TAS2R3: variants seen among roughly 807,000 people sequenced by gnomAD.
The protein encoded by TAS2R3 is taste 2 receptor member 3.
TAS2R3 carries 10 observed loss-of-function variants against 15.3 expected under a neutral mutation model. That is an observed-to-expected ratio of 0.65 (90% CI 0.40 to 1.11). The LOEUF is 1.11. Ranked by LOEUF, TAS2R3 falls within the 50% of genes least tolerant of loss-of-function variation. TAS2R3 has a pLI of 0.00. For synonymous variants in TAS2R3, 162 were observed against 141.3 expected (o/e 1.15, Z -1.04); for missense variants, 383 against 370.3 (o/e 1.03, Z -0.28).
chr7:141,764,362 A>G lies in TAS2R3; in HGVS notation c.204A>G (p.Leu68=). Residue 68 remains leucine, a synonymous_variant, in exon 1 of 1, where the codon TTA becomes TTG. Transcript: ENST00000247879. ...LLCIILTDSF[L]IEFSPNTHDS... ...GTATTATCTTGACTGATAGTTTTTT[A>G]ATAGAATTCTCTCCCAACACACATG... 1 of 1,614,170 alleles carries G rather than the reference A, an allele frequency of 6.2e-7. No individual in the cohort carries two copies. The highest frequency in any genetic ancestry group is 8.5e-7 in the Non-Finnish European group (1 of 1,180,028).
At position 141,765,099 on chromosome 7, in the gene TAS2R3, T is replaced by A; in HGVS notation, c.941T>A (p.Ile314Asn). 1 of 1,610,324 alleles carries A rather than the reference T, an allele frequency of 6.2e-7. No homozygotes were observed. The highest frequency in any genetic ancestry group is 8.5e-7 in the Non-Finnish European group (1 of 1,178,100). The change falls in exon 1 of 1, where the codon ATT (isoleucine) becomes AAT (asparagine). Residue 314 changes from isoleucine to asparagine, a missense_variant. Ile to Asn is a moderately radical substitution (Grantham distance 149). Transcript: ENST00000247879. ...GHLKPGSKGP[I>N]FS The stretch of plus-strand genomic sequence containing the variant: ...CTGAAGCCTGGATCCAAGGGACCCA[T>A]TTTCTCTTAGAGTAACAGAGGGCAT...
In TAS2R3 at chr7:141,765,184, C is replaced by G; in HGVS notation, c.*75C>G. 3 of 1,434,596 alleles carry G rather than the reference C, an allele frequency of 2.1e-6. No homozygotes were observed. The highest frequency in any genetic ancestry group is 2.8e-6 in the Non-Finnish European group (3 of 1,060,972). 88.9% of individuals were successfully genotyped at this position (1,434,596 alleles called of 1,614,324 possible). On this transcript the variant is annotated 3_prime_UTR_variant, in exon 1 of 1. Transcript: ENST00000247879. ...AGACTACAGGACTCTTCCTGACCTTCCTATGTTACCAGTTCCATAACATCA... is the reference window on the plus strand; with the variant it reads ...AGACTACAGGACTCTTCCTGACCTTGCTATGTTACCAGTTCCATAACATCA...
rs1306393324 is a variant in TAS2R3 at position 141,765,084 on chromosome 7, G to T, written c.926G>T (p.Gly309Val). Reference protein sequence around the residue: ...LRCESGHLKPGSKGPIFS With the variant: ...LRCESGHLKPVSKGPIFS The stretch of plus-strand genomic sequence containing the variant: ...TGTGAGTCTGGTCATCTGAAGCCTG[G>T]ATCCAAGGGACCCATTTTCTCTTAG... The change falls in exon 1 of 1, where the codon GGA becomes GTA. Residue 309 changes from glycine (G) to valine (V), a missense_variant. By Grantham distance (109) the Gly-to-Val change is moderately radical (BLOSUM62 -3). Transcript: ENST00000247879. 6.2e-7 allele frequency: 1 copy of T among 1,612,628 alleles called. No individual in the cohort carries two copies. The highest frequency in any genetic ancestry group is 8.5e-7 in the Non-Finnish European group (1 of 1,179,192).
In TAS2R3 at chr7:141,764,674, AAAG is replaced by A; in HGVS notation, c.521_523del (p.Lys174del). 1 of 1,614,180 alleles carries A rather than the reference AAAG, an allele frequency of 6.2e-7. No individual in the cohort carries two copies. The highest frequency in any genetic ancestry group is 8.5e-7 in the Non-Finnish European group (1 of 1,180,036). On this transcript the variant is annotated inframe_deletion, in exon 1 of 1. Coordinates refer to ENST00000247879, the MANE Select transcript of TAS2R3 (RefSeq NM_016943.2). ...CCAGGAATGTGACTGAACACTTCAG[AAAG>A]AAGAGGAGTGAGTATTATCTGATCC...
rs768115368 is a variant in TAS2R3 at position 141,765,022 on chromosome 7, C to A, written c.864C>A (p.Asn288Lys). The change falls in exon 1 of 1, where the codon AAC (asparagine) becomes AAA (lysine). Residue 288 changes from asparagine (N) to lysine (K), a missense_variant. Coordinates refer to ENST00000247879, the MANE Select transcript of TAS2R3 (RefSeq NM_016943.2). ...AGHSFILILG[N>K]SKLKQTFVVM... The stretch of plus-strand genomic sequence containing the variant: ...ACTCATTTATTCTCATTCTGGGGAA[C>A]AGTAAGCTGAAGCAGACATTTGTAG... 1 of 1,614,076 alleles carries A rather than the reference C, an allele frequency of 6.2e-7. No homozygotes were observed. The highest frequency in any genetic ancestry group is 8.5e-7 in the Non-Finnish European group (1 of 1,180,038).
rs143815192 is a variant in TAS2R3, at chr7:141,764,612, T to G, written c.454T>G (p.Phe152Val). Residue 152 changes from phenylalanine (F) to valine (V), a missense_variant, in exon 1 of 1, where the codon TTT (phenylalanine) becomes GTT (valine). Phe to Val is a conservative substitution (Grantham distance 50). Coordinates refer to ENST00000247879, the MANE Select transcript of TAS2R3 (RefSeq NM_016943.2). The stretch of plus-strand genomic sequence containing the variant: ...TAGTACCGCATCTCTGATCAATGAG[T>G]TTAAGCTCTATTCTGTCTTTAGGGG... Reference protein sequence around the residue: ...CGSTASLINEFKLYSVFRGIE... With the variant: ...CGSTASLINEVKLYSVFRGIE... 1.8e-4 allele frequency: 294 copies of G among 1,613,926 alleles called. No homozygotes were observed. Among genetic ancestry groups the G allele is most frequent in the Non-Finnish European group, 2.2e-4 (265 of 1,180,014 alleles).
rs1800096760 is a variant in TAS2R3, at chr7:141,764,303, A to G, written c.145A>G (p.Thr49Ala). 1.2e-6 allele frequency: 2 copies of G among 1,613,994 alleles called. No individual in the cohort carries two copies. The highest frequency in any genetic ancestry group is 3.3e-5 in the Admixed American group (2 of 60,006). Residue 49 changes from threonine to alanine, a missense_variant, in exon 1 of 1, where the codon ACC becomes GCC. Thr to Ala is a moderately conservative substitution (Grantham distance 58). Transcript: ENST00000247879. ...KRMSLSDFII[T>A]TLALLRIILL... ...AATGTCTTTGTCTGACTTCATCATC[A>G]CCACCCTGGCACTCTTGAGGATCAT... is the stretch of plus-strand genomic sequence containing the variant.
rs752420019 is a variant in TAS2R3 at position 141,764,353 on chromosome 7, T to C, written c.195T>C (p.Asp65=). The change falls in exon 1 of 1, where the codon GAT becomes GAC. Residue 65 remains aspartate (D), a synonymous_variant. Transcript: ENST00000247879. ...RIILLCIILT[D]SFLIEFSPNT... is the part of the protein sequence containing the mutation. ...TTCTGCTGTGTATTATCTTGACTGA[T>C]AGTTTTTTAATAGAATTCTCTCCCA... 1.9e-5 allele frequency: 31 copies of C among 1,614,198 alleles called. No homozygotes were observed. Among genetic ancestry groups the C allele is most frequent in the Non-Finnish European group, 2.1e-5 (25 of 1,180,032 alleles).
Position 141,765,196 on chromosome 7 carries a change from G to A in TAS2R3, c.*87G>A. The stretch of plus-strand genomic sequence containing the variant: ...TCTTCCTGACCTTCCTATGTTACCA[G>A]TTCCATAACATCAGTAGGAGAGAAA... On this transcript the variant is annotated 3_prime_UTR_variant, in exon 1 of 1. Transcript: ENST00000247879. The A allele has an allele frequency of 7.3e-7, 1 of 1,369,170 alleles. No homozygotes were observed. The allele number at this position is 1,369,170 out of a possible 1,614,324, so 84.8% of individuals were successfully genotyped here. A position where few individuals can be genotyped will look rare whatever the true frequency, so the allele number is the denominator to read the frequency against.
chr7:141,765,192 A>G lies in TAS2R3; in HGVS notation c.*83A>G. On this transcript the variant is annotated 3_prime_UTR_variant, in exon 1 of 1. Transcript: ENST00000247879. Reference sequence around the variant, plus strand: ...GGACTCTTCCTGACCTTCCTATGTTACCAGTTCCATAACATCAGTAGGAGA... The same window carrying G: ...GGACTCTTCCTGACCTTCCTATGTTGCCAGTTCCATAACATCAGTAGGAGA... 1 of 1,401,264 alleles carries G rather than the reference A, an allele frequency of 7.1e-7. No individual in the cohort carries two copies. The highest frequency in any genetic ancestry group is 9.7e-7 in the Non-Finnish European group (1 of 1,032,238). 86.8% of individuals were successfully genotyped at this position (1,401,264 alleles called of 1,614,324 possible).
chr7:141,764,384 CAT>C, the TAS2R3 span: 61 of 1,614,072 alleles, frequency 3.8e-5, no homozygotes, highest in Admixed American at 5.0e-5. Context: ...TCCCAACACA[CAT>C]GATTCAGGGA....
Position 141,765,012 on chromosome 7 carries a change from T to C in TAS2R3, c.854T>C (p.Ile285Thr). Residue 285 changes from isoleucine (I) to threonine (T), a missense_variant, in exon 1 of 1, where the codon ATT (isoleucine) becomes ACT (threonine). Physicochemically the swap from Ile to Thr is moderately conservative, Grantham distance 89. Transcript: ENST00000247879. ...FYPAGHSFILILGNSKLKQTF... is the reference protein window; with the variant it reads ...FYPAGHSFILTLGNSKLKQTF... ...CCTGCTGGCCACTCATTTATTCTCA[T>C]TCTGGGGAACAGTAAGCTGAAGCAG... is the stretch of plus-strand genomic sequence containing the variant. The C allele has an allele frequency of 6.2e-7, 1 of 1,614,240 alleles. No individual in the cohort carries two copies. The highest frequency in any genetic ancestry group is 8.5e-7 in the Non-Finnish European group (1 of 1,180,036).
chr7:141,764,370 T>TC, the TAS2R3 span: 3 of 1,614,160 alleles, frequency 1.9e-6, no homozygotes, highest in Non-Finnish European at 2.5e-6. Context: ...TTAATAGAAT[T>TC]CTCTCCCAAC....
rs138586643 is a variant in TAS2R3, at chr7:141,765,159, A to G, written c.*50A>G. On this transcript the variant is annotated 3_prime_UTR_variant, in exon 1 of 1. Coordinates refer to ENST00000247879, the MANE Select transcript of TAS2R3 (RefSeq NM_016943.2). ...CCCTTGAGCCTTTTGGCCTGGCTCA[A>G]GACTACAGGACTCTTCCTGACCTTC... 911 of 1,540,598 alleles carry G rather than the reference A, an allele frequency of 5.9e-4. 4 individuals carry two copies. In the Middle Eastern group the frequency reaches 0.014, roughly 23 times the overall value.
At position 141,764,293 on chromosome 7, in the gene TAS2R3, C is replaced by T; in HGVS notation, c.135C>T (p.Asp45=). 1.2e-6 allele frequency: 2 copies of T among 1,614,214 alleles called. No individual in the cohort carries two copies. Among genetic ancestry groups the T allele is most frequent in the Non-Finnish European group, 8.5e-7 (1 of 1,180,040 alleles). ...AGACCAAGAGAATGTCTTTGTCTGA[C>T]TTCATCATCACCACCCTGGCACTCT... is the stretch of plus-strand genomic sequence containing the variant. ...WFKTKRMSLS[D]FIITTLALLR... Residue 45 remains aspartate (D), a synonymous_variant, in exon 1 of 1, where the codon GAC becomes GAT. Transcript: ENST00000247879.
chr7:141,764,910 TA>T, the TAS2R3 span: 2 of 1,614,236 alleles, frequency 1.2e-6, no homozygotes, highest in South Asian at 2.2e-5. Context: ...CTTGCTTTCT[TA>T]ATTGCATCAT....
Position 141,764,975 on chromosome 7 carries a change from A to G in TAS2R3, c.817A>G (p.Thr273Ala). Residue 273 changes from threonine (T) to alanine (A), a missense_variant, in exon 1 of 1, where the codon ACA becomes GCA. Coordinates refer to ENST00000247879, the MANE Select transcript of TAS2R3 (RefSeq NM_016943.2). Reference sequence around the variant, plus strand: ...GGCTAAGATGATTGGCGAAGTAATGACAATGTTTTATCCTGCTGGCCACTC... The same window carrying G: ...GGCTAAGATGATTGGCGAAGTAATGGCAATGTTTTATCCTGCTGGCCACTC... Reference protein sequence around the residue: ...KMAKMIGEVMTMFYPAGHSFI... With the variant: ...KMAKMIGEVMAMFYPAGHSFI... The G allele has an allele frequency of 6.2e-7, 1 of 1,614,228 alleles. No homozygotes were observed. Among genetic ancestry groups the G allele is most frequent in the Non-Finnish European group, 8.5e-7 (1 of 1,180,042 alleles).
chr7:141,764,572 G>T lies in TAS2R3; in HGVS notation c.414G>T (p.Leu138=). The change falls in exon 1 of 1, where the codon CTG becomes CTT. Residue 138 remains leucine, a synonymous_variant. Transcript: ENST00000247879. ...TGGTATGGATGCTGTTGGGTGCACTGCTCTTATCCTGTGGTAGTACCGCAT... is the reference window on the plus strand; with the variant it reads ...TGGTATGGATGCTGTTGGGTGCACTTCTCTTATCCTGTGGTAGTACCGCAT... ...RVMVWMLLGA[L]LLSCGSTASL... The T allele has an allele frequency of 2.5e-6, 4 of 1,614,086 alleles. No homozygotes were observed. The highest frequency in any genetic ancestry group is 1.3e-5 in the African/African-American group (1 of 75,016).
At position 141,764,882 on chromosome 7, in the gene TAS2R3, CTCT is replaced by C; in HGVS notation, c.729_731del (p.Phe243del). The C allele has an allele frequency of 1.2e-6, 2 of 1,614,202 alleles. No homozygotes were observed. The highest frequency in any genetic ancestry group is 2.2e-5 in the East Asian group (1 of 44,888). ...CAGAATCATCCTTTCCTTCTTCTTT[CTCT>C]TCTTACTTTACTTTCTTGCTTTCTT... is the stretch of plus-strand genomic sequence containing the variant. On this transcript the variant is annotated inframe_deletion, in exon 1 of 1. Coordinates refer to ENST00000247879, the MANE Select transcript of TAS2R3 (RefSeq NM_016943.2).
Sources: allele counts gnomAD v4.1 joint callset, GRCh38; gene constraint gnomAD v4.1.1; transcripts MANE v1.5; gene names NCBI Gene and HGNC (gene_info 2026-07-23, HGNC 2026-07-21).